The following TNNI3K variants were observed in gnomAD, a reference collection of about 807,000 sequenced individuals.
TNNI3K encodes TNNI3 interacting kinase.
A neutral mutation model predicts 114.5 loss-of-function variants in TNNI3K; 140 were observed. That is an observed-to-expected ratio of 1.22 (90% confidence interval 1.07 to 1.41). TNNI3K has a LOEUF of 1.41. Ranked by LOEUF, TNNI3K falls within the 40% of genes most tolerant of loss-of-function variation. TNNI3K has a pLI of 0.00. For missense variants in TNNI3K, 1,125 were observed against 1,007.6 expected (o/e 1.12, Z -1.58); for synonymous variants, 347 against 347.5 (o/e 1.00, Z 0.02).
At position 74,370,297 on chromosome 1, in the gene TNNI3K, T is replaced by C; in HGVS notation, c.1677T>C (p.Asp559=). 6.3e-7 allele frequency: 1 copy of C among 1,590,020 alleles called. No individual in the cohort carries two copies. Among genetic ancestry groups the C allele is most frequent in the East Asian group, 2.3e-5 (1 of 44,096 alleles). ...TATTTTTAAATTCTAGGATTCTTGATTTGCAGTCTAAATTAATTATTGCAG... is the reference window on the plus strand; with the variant it reads ...TATTTTTAAATTCTAGGATTCTTGACTTGCAGTCTAAATTAATTATTGCAG... ...SLLHEQKRIL[D]LQSKLIIAVD... Residue 559 remains aspartate (D), a synonymous_variant, in exon 17 of 25, where the codon GAT becomes GAC. Transcript: ENST00000326637.
chr1:74,464,062 A>G (rs1667562598), intron 21 of TNNI3K, among the ~76,000 whole-genome samples: 1 of 152,238 alleles, frequency 6.6e-6, no homozygotes, highest in African/African-American at 2.4e-5. Flanking sequence ...GGAGTGATCA[A>G]TGTTATGGAA....
At chr1:74,254,126 G>A (rs1307808282) in intron 4 of TNNI3K, among the ~76,000 whole-genome samples, 1 of 152,050 alleles carries the variant, frequency 6.6e-6, no homozygotes, top group Non-Finnish European at 1.5e-5. Context: ...GCTTATCCAG[G>A]TTCATTAACT....
Position 74,463,359 on chromosome 1 carries a change from C to G in TNNI3K, c.2012-82C>G. 3 of 1,446,728 alleles carry G rather than the reference C, an allele frequency of 2.1e-6. No homozygotes were observed. In the South Asian group the frequency reaches 3.5e-5, roughly 17 times the overall value. 89.6% of individuals were successfully genotyped at this position (1,446,728 alleles called of 1,614,324 possible). ...ATGTTGCTCAGATTGATTTTTAATG[C>G]CTTTTTGTGTGTGTGTGTCTTCATT... On this transcript the variant is annotated intron_variant, in intron 20 of 24. Transcript: ENST00000326637.
At chr1:74,249,593 C>T (rs964067816) in intron 3 of TNNI3K, 49 bp downstream of exon 3, 4 of 1,566,112 alleles carry the variant, frequency 2.6e-6, no homozygotes, top group African/African-American at 1.4e-5. Context: ...ATGTGTATAT[C>T]GTCAGTGACT....
intron 17 of TNNI3K, among the ~76,000 whole-genome samples, chr1:74,407,827 T>C (rs1024039827): frequency 9.9e-5 from 15 of 152,170 alleles, no homozygotes; most frequent in Non-Finnish European, 4.4e-5. Flanking sequence ...TGTAAGGGGA[T>C]ACCACTTATG....
chr1:74,514,573 G>C (rs551437835), intron 23 of TNNI3K, among the ~76,000 whole-genome samples: 3 of 152,046 alleles, frequency 2.0e-5, no homozygotes, highest in Non-Finnish European at 4.4e-5. Flanking sequence ...TATTTGCTAG[G>C]TAGATATTAT....
At chr1:74,400,604 C>G (rs551673055) in intron 17 of TNNI3K, among the ~76,000 whole-genome samples, 1 of 152,220 alleles carries the variant, frequency 6.6e-6, no homozygotes, top group Non-Finnish European at 1.5e-5. Context: ...TATCATTGCT[C>G]TTTCCCACCT....
At chr1:74,235,550 G>T (rs1330187807) in intron 1 of TNNI3K, 59 bp downstream of exon 1, 2 of 914,014 alleles carry the variant, frequency 2.2e-6, no homozygotes, top group Admixed American at 5.2e-5. Flanking sequence ...TATAGTTACT[G>T]ATAACTAACA....
intron 11 of TNNI3K, among the ~76,000 whole-genome samples, chr1:74,363,337 C>G (rs1662074049): frequency 6.6e-6 from 1 of 151,974 alleles, no homozygotes; most frequent in African/African-American, 2.4e-5. Context: ...GGGGGGAAAT[C>G]AGGCAGAGAT....
At chr1:74,297,549 G>GTGTA (rs1658072357) in intron 5 of TNNI3K, among the ~76,000 whole-genome samples, 1 of 151,524 alleles carries the variant, frequency 6.6e-6, no homozygotes, top group African/African-American at 2.4e-5. Context: ...GTGTGTGTGT[G>GTGTA]TGTGTATAAA....
intron 23 of TNNI3K, among the ~76,000 whole-genome samples, chr1:74,529,804 A>G (rs1474343876): frequency 6.6e-6 from 1 of 152,200 alleles, no homozygotes; most frequent in Non-Finnish European, 1.5e-5. Context: ...CACTTCAGCC[A>G]TTTGATTCCA....
intron 17 of TNNI3K, among the ~76,000 whole-genome samples, chr1:74,377,500 T>C (rs773784153): frequency 3.3e-5 from 5 of 152,050 alleles, no homozygotes; most frequent in Non-Finnish European, 7.4e-5. Context: ...TACAAAAGTT[T>C]CAATACCAGA....
At chr1:74,314,763 C>T (rs953247608) in intron 5 of TNNI3K, among the ~76,000 whole-genome samples, 7 of 151,914 alleles carry the variant, frequency 4.6e-5, no homozygotes, top group South Asian at 2.1e-4. Flanking sequence ...TCTTTGTTTC[C>T]TCTAATTTGA....
At chr1:74,380,518 C>T (rs575642033) in intron 17 of TNNI3K, among the ~76,000 whole-genome samples, 6 of 152,240 alleles carry the variant, frequency 3.9e-5, no homozygotes, top group Admixed American at 6.5e-5. Context: ...GGAGAAGCGA[C>T]GCCCCTCCTG....
chr1:74,350,362 T>C lies in TNNI3K; in HGVS notation c.933-2904T>C, dbSNP rs11485554. Among the ~76,000 whole-genome samples the C allele has an allele frequency of 1.1e-3, 172 of 152,348 alleles. 1 individual carries two copies. The highest frequency in any genetic ancestry group is 3.8e-3 in the African/African-American group (156 of 41,582). ...TTGTTATAATTTCTGTTCTTTTACA[T>C]TTGCTGAGGACTGCTTTACTTCCAA... On this transcript the variant is annotated intron_variant, in intron 9 of 24. Transcript: ENST00000326637.
At chr1:74,278,275 A>G (rs1159702380) in intron 5 of TNNI3K, among the ~76,000 whole-genome samples, 1 of 152,190 alleles carries the variant, frequency 6.6e-6, no homozygotes, top group Non-Finnish European at 1.5e-5. Context: ...ATGAAACAAA[A>G]TAATAGTTAA....
chr1:74,334,577 G>T (rs1233485768), intron 6 of TNNI3K, among the ~76,000 whole-genome samples: 1 of 152,086 alleles, frequency 6.6e-6, no homozygotes, highest in African/African-American at 2.4e-5. Flanking sequence ...AAGTTCTTAA[G>T]TATATATATA....
At chr1:74,497,615 T>C (rs1669395560) in intron 23 of TNNI3K, among the ~76,000 whole-genome samples, 1 of 151,044 alleles carries the variant, frequency 6.6e-6, no homozygotes, top group Non-Finnish European at 1.5e-5. Flanking sequence ...TACACACACA[T>C]ACATTCCTCC....
chr1:74,533,828 C>T (rs1336638948), intron 23 of TNNI3K, among the ~76,000 whole-genome samples: 11 of 152,096 alleles, frequency 7.2e-5, no homozygotes, highest in Admixed American at 2.0e-4. Context: ...AACCAAACAC[C>T]GCATGTTCTC....
Sources: gnomAD v4.1 joint callset for allele counts (sites outside exome capture counted in the v4.1 genomes callset) on GRCh38, gnomAD v4.1.1 for gene constraint, MANE v1.5 for transcripts, NCBI Gene and HGNC (gene_info 2026-07-23, HGNC 2026-07-21) for gene names.